Variants in TSPEAR observed in about 807,000 individuals in gnomAD.
TSPEAR encodes the protein thrombospondin type laminin G domain and EAR repeats, also known as thrombospondin-type laminin G domain and EAR repeat-containing protein.
In TSPEAR, 69 loss-of-function variants were observed where a neutral mutation model predicts 71.6. That is an observed-to-expected ratio of 0.96 (90% CI 0.79 to 1.18). The LOEUF is 1.18. Ranked by LOEUF, TSPEAR falls within the 50% of genes most tolerant of loss-of-function variation. The probability of loss-of-function intolerance (pLI) is 0.00; values close to 1 mark genes in which losing one functional copy is unlikely to be tolerated. For synonymous variants in TSPEAR, 402 were observed against 387.2 expected (o/e 1.04, Z -0.45); for missense variants, 971 against 894.9 (o/e 1.09, Z -1.09).
intron 9 of TSPEAR, among the ~76,000 whole-genome samples, chr21:44,514,763 G>A (rs2052505852): frequency 6.6e-6 from 1 of 152,138 alleles, no homozygotes; most frequent in South Asian, 2.1e-4. Context: ...CTCCAACCTG[G>A]AAGAAAGTTG....
At chr21:44,632,955 G>A (rs189680601) in intron 1 of TSPEAR, among the ~76,000 whole-genome samples, 297 of 152,252 alleles carry the variant, frequency 2.0e-3, no homozygotes, top group African/African-American at 6.7e-3. Context: ...CATTATGAAT[G>A]TATTTAATAT....
In TSPEAR at chr21:44,597,432, C is replaced by CTTTCTTTTTTT. The variant is rs1980437877; in HGVS notation, c.83-29428_83-29427insAAAAAAAGAAA. ...GTGCTCTTTTTCTTTTTCTTTCTTT[C>CTTTCTTTTTTT]TTTTCTTTTTTTTTTTTTTGATGGA... On this transcript the variant is annotated intron_variant, in intron 1 of 11. Coordinates refer to ENST00000323084, the MANE Select transcript of TSPEAR (RefSeq NM_144991.3). 2.1e-4 allele frequency among the ~76,000 whole-genome samples: 28 copies of CTTTCTTTTTTT among 130,608 alleles called. 1 individual carries two copies. Among genetic ancestry groups the CTTTCTTTTTTT allele is most frequent in the African/African-American group, 8.8e-4 (27 of 30,620 alleles). The allele number at this position is 130,608 out of a possible 152,430, so 85.7% of individuals were successfully genotyped here.
In TSPEAR at chr21:44,601,693, G is replaced by A. The variant is rs781874714; in HGVS notation, c.83-33688C>T. The A allele has an allele frequency of 9.9e-6, 16 of 1,612,152 alleles. No homozygotes were observed. The East Asian group carries it at 3.6e-4, about 36-fold the overall frequency. ...TTGCCGCCCCGCATGCTCCCGCCCGGCCTGCTGTGGCCCCACCTCAACCCA... is the reference window on the plus strand; with the variant it reads ...TTGCCGCCCCGCATGCTCCCGCCCGACCTGCTGTGGCCCCACCTCAACCCA... On this transcript the variant is annotated intron_variant, in intron 1 of 11. Coordinates refer to ENST00000323084, the MANE Select transcript of TSPEAR (RefSeq NM_144991.3).
chr21:44,637,235 A>C (rs1983635668), intron 1 of TSPEAR: 2 of 809,374 alleles, frequency 2.5e-6, no homozygotes, highest in Non-Finnish European at 3.9e-6. Context: ...AAGCAGAAAT[A>C]ATGAGGGTCC....
intron 1 of TSPEAR, chr21:44,697,411 C>T: frequency 1.2e-6 from 2 of 1,613,724 alleles, no homozygotes; most frequent in Non-Finnish European, 8.5e-7. Flanking sequence ...GTGAGCCCAG[C>T]CCCTGCCAAT....
intron 1 of TSPEAR, among the ~76,000 whole-genome samples, chr21:44,579,236 C>A (rs1471582387): frequency 1.3e-5 from 2 of 152,122 alleles, no homozygotes; most frequent in Non-Finnish European, 2.9e-5. Context: ...GGCACGGCAG[C>A]CAATGACCAG....
chr21:44,709,241 G>A (rs762322310), intron 1 of TSPEAR, among the ~76,000 whole-genome samples: 1 of 152,214 alleles, frequency 6.6e-6, no homozygotes, highest in Non-Finnish European at 1.5e-5. Context: ...GCCGAGCCTA[G>A]GGCGCAGCCC....
intron 1 of TSPEAR, among the ~76,000 whole-genome samples, chr21:44,670,906 C>T (rs1170847195): frequency 6.6e-6 from 1 of 152,170 alleles, no homozygotes; most frequent in African/African-American, 2.4e-5. Flanking sequence ...CAGCTGGATG[C>T]ATCAATAAGG....
chr21:44,709,852 G>A lies in TSPEAR; in HGVS notation c.82+1581C>T, dbSNP rs192443997. Among the ~76,000 whole-genome samples, 748 of 152,374 alleles carry A rather than the reference G, an allele frequency of 4.9e-3. 18 individuals are homozygous for A. Among genetic ancestry groups the A allele is most frequent in the Admixed American group, 2.5e-3 (39 of 15,312 alleles). ...GAAGCCCTGGCTGGCCCTTATGCTA[G>A]TCTCTTGGGAGCGTTCCAAATGCAG... On this transcript the variant is annotated intron_variant, in intron 1 of 11. Coordinates refer to ENST00000323084, the MANE Select transcript of TSPEAR (RefSeq NM_144991.3).
At chr21:44,549,227 C>A (rs1327693674) in intron 2 of TSPEAR, among the ~76,000 whole-genome samples, 1 of 152,100 alleles carries the variant, frequency 6.6e-6, no homozygotes, top group East Asian at 1.9e-4. Context: ...GGAATGTGAG[C>A]TGGTGCTGTG....
chr21:44,692,926 G>T (rs1987180902), intron 1 of TSPEAR, among the ~76,000 whole-genome samples: 1 of 152,018 alleles, frequency 6.6e-6, no homozygotes. Context: ...GAGGGACAAA[G>T]CTGGAGGATT....
rs145033348 is a variant in TSPEAR at position 44,673,978 on chromosome 21, G to A, written c.82+37455C>T. Among the ~76,000 whole-genome samples the A allele has an allele frequency of 8.6e-3, 1,308 of 152,128 alleles. 74 individuals are homozygous for A. The highest frequency in any genetic ancestry group is 0.072 in the Admixed American group (1,106 of 15,270). On this transcript the variant is annotated intron_variant, in intron 1 of 11. Coordinates refer to ENST00000323084, the MANE Select transcript of TSPEAR (RefSeq NM_144991.3). ...CAAAAATAACAGTGCTAAGAGGGAC[G>A]TTAGTAGTAATAAATGCCTACATCA...
At chr21:44,591,835 G>GCC in intron 1 of TSPEAR, 2 of 1,598,294 alleles carry the variant, frequency 1.3e-6, no homozygotes, top group Admixed American at 1.7e-5. Flanking sequence ...GGTGCAGCAA[G>GCC]TTGGCTGGCA....
chr21:44,528,557 GT>G lies in TSPEAR; in HGVS notation c.816del (p.Gln274SerfsTer33). ...TCCACCTCGGTACACGGTGGCTGGG[GT>G]CCCAGCGTCACTCGAATGTTGGTTT... ...PYETNIRVTL[G>X]PQPPCTEVED... On this transcript the variant is annotated frameshift_variant, in exon 6 of 12. Coordinates refer to ENST00000323084, the MANE Select transcript of TSPEAR (RefSeq NM_144991.3). LOFTEE classifies it high-confidence loss of function. 6.2e-7 allele frequency: 1 copy of G among 1,614,068 alleles called. No homozygotes were observed. Among genetic ancestry groups the G allele is most frequent in the Non-Finnish European group, 8.5e-7 (1 of 1,179,998 alleles).
rs368602783 is a variant in TSPEAR, at chr21:44,699,645, C to T, written c.82+11788G>A. ...CCCTGCTGCGCCTGGCCCTGTAACG[C>T]CGTCTCCCTGGGCTTCTGGGATGCG... On this transcript the variant is annotated intron_variant, in intron 1 of 11. Coordinates refer to ENST00000323084, the MANE Select transcript of TSPEAR (RefSeq NM_144991.3). Among the ~76,000 whole-genome samples, 48 of 152,226 alleles carry T rather than the reference C, an allele frequency of 3.2e-4. 1 individual carries two copies. In the East Asian group the frequency reaches 6.8e-3, roughly 22 times the overall value.
chr21:44,654,714 A>G, intron 1 of TSPEAR: 1 of 778,008 alleles, frequency 1.3e-6, no homozygotes, highest in Non-Finnish European at 2.1e-6. Flanking sequence ...TCCTGGCAAC[A>G]AGCCCCCTGG....
intron 2 of TSPEAR, among the ~76,000 whole-genome samples, chr21:44,563,045 G>C (rs1271372257): frequency 6.6e-6 from 1 of 152,028 alleles, no homozygotes; most frequent in Non-Finnish European, 1.5e-5. Flanking sequence ...GTGTTGTTGG[G>C]CCTATAACAT....
intron 1 of TSPEAR, among the ~76,000 whole-genome samples, chr21:44,600,375 A>G (rs1352567495): frequency 6.6e-6 from 1 of 151,744 alleles, no homozygotes; most frequent in Non-Finnish European, 1.5e-5. Flanking sequence ...ACGGAACCAA[A>G]TATAGACTCA....
chr21:44,652,454 G>A (rs1167247344), intron 1 of TSPEAR, among the ~76,000 whole-genome samples: 5 of 152,200 alleles, frequency 3.3e-5, no homozygotes, highest in African/African-American at 1.2e-4. Flanking sequence ...GTGACTGAGT[G>A]ACTCTCTCCT....
Sources: allele counts gnomAD v4.1 joint callset (sites outside exome capture counted in the v4.1 genomes callset), GRCh38; gene constraint gnomAD v4.1.1; transcripts MANE v1.5; gene names NCBI Gene and HGNC (gene_info 2026-07-23, HGNC 2026-07-21).